Variants in DHTKD1 observed in about 807,000 individuals in gnomAD.
DHTKD1 encodes the protein 2-oxoadipate dehydrogenase complex component E1.
Under a neutral mutation model 101.8 loss-of-function variants are expected in DHTKD1, and 78 were observed. That is an observed-to-expected ratio of 0.77 (90% confidence interval 0.64 to 0.93). DHTKD1 has a LOEUF of 0.93. Among genes scored for constraint, DHTKD1 ranks in the 40% least tolerant of loss-of-function variants. DHTKD1 has a pLI of 0.00. For missense variants in DHTKD1, 1,223 were observed against 1,161.7 expected, an observed-to-expected ratio of 1.05 and a Z score of -0.77; for synonymous variants, 462 against 450.3, an observed-to-expected ratio of 1.03 and a Z score of -0.33.
chr10:12,120,100 C>G lies in DHTKD1; in HGVS notation c.2573-82C>G, dbSNP rs188258511. The G allele has an allele frequency of 5.9e-4, 622 of 1,051,316 alleles. 2 individuals are homozygous for G. The African/African-American group carries it at 8.6e-3, about 15-fold the overall frequency. The allele number at this position is 1,051,316 out of a possible 1,614,324, so 65.1% of individuals were successfully genotyped here. On this transcript the variant is annotated intron_variant, in intron 15 of 16. Coordinates refer to ENST00000263035, the MANE Select transcript of DHTKD1 (RefSeq NM_018706.7). ...TCACACCATCGTAAAGTTGAAAACT[C>G]CATCGTAGGTGGGATCATAGTAAAT... is the stretch of plus-strand genomic sequence containing the variant.
At chr10:12,096,783 G>C (rs1189193446) in intron 7 of DHTKD1, among the ~76,000 whole-genome samples, 2 of 152,208 alleles carry the variant, frequency 1.3e-5, no homozygotes, top group Non-Finnish European at 2.9e-5. Context: ...GTAACACCCA[G>C]GTGTTGATGA....
chr10:12,117,298 C>T (rs898521310), intron 13 of DHTKD1, among the ~76,000 whole-genome samples: 12 of 143,128 alleles, frequency 8.4e-5, no homozygotes, highest in East Asian at 4.0e-4. Flanking sequence ...GCATGAGCCA[C>T]GGCACCTTTT....
At chr10:12,086,842 C>G (rs1832910135) in intron 3 of DHTKD1, among the ~76,000 whole-genome samples, 1 of 152,054 alleles carries the variant, frequency 6.6e-6, no homozygotes, top group Non-Finnish European at 1.5e-5. Context: ...AGGTGCACAC[C>G]ACCACACCCG....
intron 1 of DHTKD1, among the ~76,000 whole-genome samples, chr10:12,075,045 A>G (rs1308805139): frequency 6.6e-6 from 1 of 152,138 alleles, no homozygotes; most frequent in East Asian, 1.9e-4. Context: ...TGGGAAGTAG[A>G]CATTGCAGTG....
intron 11 of DHTKD1, among the ~76,000 whole-genome samples, chr10:12,106,982 C>CTTTTT: frequency 6.7e-6 from 1 of 149,394 alleles, no homozygotes; most frequent in Non-Finnish European, 1.5e-5. Flanking sequence ...CATTCTTTTT[C>CTTTTT]TTTTCTTTTT....
intron 3 of DHTKD1, among the ~76,000 whole-genome samples, chr10:12,086,510 C>T (rs1033630673): frequency 6.6e-5 from 10 of 151,148 alleles, no homozygotes; most frequent in East Asian, 2.0e-4. Context: ...TGAGCCACCG[C>T]GCCCAGCCTA....
intron 4 of DHTKD1, among the ~76,000 whole-genome samples, chr10:12,088,607 C>T (rs1832939650): frequency 6.6e-6 from 1 of 151,954 alleles, no homozygotes; most frequent in Non-Finnish European, 1.5e-5. Context: ...TTATTGAGAC[C>T]TAATCTCGCT....
Position 12,068,961 on chromosome 10 carries a change from C to G in DHTKD1, c.-73C>G. 1 of 1,575,292 alleles carries G rather than the reference C, an allele frequency of 6.3e-7. No homozygotes were observed. Among genetic ancestry groups the G allele is most frequent in the South Asian group, 1.1e-5 (1 of 87,922 alleles). On this transcript the variant is annotated 5_prime_UTR_variant, in exon 1 of 17. Transcript: ENST00000263035. ...GGGGCTCCGGCCGCCTCTGACGAGT[C>G]CCGGATTTACCAGGGCCGGTGGGAT...
At chr10:12,112,771 G>A in intron 12 of DHTKD1, 129 bp from the exon 13 acceptor site, 1 of 895,536 alleles carries the variant, frequency 1.1e-6, no homozygotes, top group Non-Finnish European at 1.7e-6. Flanking sequence ...ATATTTTTCT[G>A]TAATGTTGGG....
chr10:12,094,972 CA>C (rs1375461230), intron 7 of DHTKD1, among the ~76,000 whole-genome samples: 1 of 152,148 alleles, frequency 6.6e-6, no homozygotes, highest in Non-Finnish European at 1.5e-5. Context: ...CATGGTTCCT[CA>C]TTGAATAGAA....
chr10:12,094,006 G>C (rs963395488), intron 6 of DHTKD1, 67 bp from the exon 7 acceptor site: 2 of 1,350,696 alleles, frequency 1.5e-6, no homozygotes, highest in African/African-American at 2.9e-5. Context: ...CAGGAAGTAG[G>C]GCTTAGAGAG....
intron 6 of DHTKD1, among the ~76,000 whole-genome samples, chr10:12,092,078 G>T (rs1432845736): frequency 6.6e-6 from 1 of 151,230 alleles, no homozygotes; most frequent in African/African-American, 2.4e-5. Context: ...CCGCCTTTCA[G>T]GTTCAAGTGA....
intron 5 of DHTKD1, among the ~76,000 whole-genome samples, chr10:12,089,792 TC>T (rs1832959487): frequency 6.6e-6 from 1 of 151,980 alleles, no homozygotes; most frequent in South Asian, 2.1e-4. Flanking sequence ...TGCCTCAGCC[TC>T]CCGAGTAGCT....
At chr10:12,116,967 C>T (rs1356253960) in intron 13 of DHTKD1, among the ~76,000 whole-genome samples, 1 of 151,738 alleles carries the variant, frequency 6.6e-6, no homozygotes, top group Non-Finnish European at 1.5e-5. Flanking sequence ...TCCCAAAGTT[C>T]TAGGATCACA....
At chr10:12,111,291 G>T (rs1021230209) in intron 12 of DHTKD1, among the ~76,000 whole-genome samples, 1 of 152,132 alleles carries the variant, frequency 6.6e-6, no homozygotes, top group East Asian at 1.9e-4. Context: ...TCAGCCTCCC[G>T]AGTAGCTGGG....
At chr10:12,118,613 A>C in intron 14 of DHTKD1, 136 bp from the exon 15 acceptor site, 1 of 486,660 alleles carries the variant, frequency 2.1e-6, no homozygotes. Context: ...TGATTTCCTG[A>C]CCTCGTGATC....
chr10:12,076,677 G>A (rs954764113), intron 1 of DHTKD1, among the ~76,000 whole-genome samples: 1 of 151,378 alleles, frequency 6.6e-6, no homozygotes, highest in Non-Finnish European at 1.5e-5. Context: ...TTTTTTTCTC[G>A]GGACGGAGTT....
At chr10:12,086,544 C>T (rs761124535) in intron 3 of DHTKD1, among the ~76,000 whole-genome samples, 1 of 151,832 alleles carries the variant, frequency 6.6e-6, no homozygotes, top group African/African-American at 2.4e-5. Flanking sequence ...AGGATGGTCT[C>T]GATCTCCTGA....
At chr10:12,100,706 C>T (rs1285352522) in intron 9 of DHTKD1, among the ~76,000 whole-genome samples, 2 of 152,140 alleles carry the variant, frequency 1.3e-5, no homozygotes, top group East Asian at 3.8e-4. Context: ...ATTTTTCTTT[C>T]CTGACAATAT....
Sources: allele counts gnomAD v4.1 joint callset (sites outside exome capture counted in the v4.1 genomes callset), GRCh38; gene constraint gnomAD v4.1.1; transcripts MANE v1.5; gene names NCBI Gene and HGNC (gene_info 2026-07-23, HGNC 2026-07-21).